SLC5A1: variants seen among roughly 807,000 people sequenced by gnomAD.
SLC5A1 encodes the protein sodium/glucose cotransporter 1.
A neutral mutation model predicts 73.5 loss-of-function variants in SLC5A1; 42 were observed. The observed-to-expected ratio is 0.57, with a 90% CI of 0.45 to 0.74. The LOEUF is 0.74. Ranked by LOEUF, SLC5A1 falls within the 30% of genes least tolerant of loss-of-function variation. The pLI is 0.00. For synonymous variants in SLC5A1, 300 were observed against 317.4 expected (o/e 0.95, Z 0.58); for missense variants, 634 against 855.4 (o/e 0.74, Z 3.23).
In SLC5A1 at chr22:32,068,001, T is replaced by A. The variant is rs780554779; in HGVS notation, c.347T>A (p.Phe116Tyr). ...TTGGTGGTTGTGCTGGGCTGGCTGT[T>A]TGTCCCCATCTATATTAAGGCTGGG... ...LVLVVVLGWL[F>Y]VPIYIKAGVV... Residue 116 changes from phenylalanine to tyrosine, a missense_variant, in exon 4 of 15, where the codon TTT (phenylalanine) becomes TAT (tyrosine). By Grantham distance (22) the Phe-to-Tyr change is conservative (BLOSUM62 3). This residue lies in a region of SLC5A1 where 422 missense variants were observed against 626.1 expected (regional missense o/e 0.67). Transcript: ENST00000266088. 6.2e-7 allele frequency: 1 copy of A among 1,614,034 alleles called. No homozygotes were observed. Among genetic ancestry groups the A allele is most frequent in the African/African-American group, 1.3e-5 (1 of 74,912 alleles).
At chr22:32,046,586 A>T (rs968086138) in intron 1 of SLC5A1, among the ~76,000 whole-genome samples, 5 of 152,060 alleles carry the variant, frequency 3.3e-5, no homozygotes, top group African/African-American at 1.2e-4. Context: ...GTTGTGTCCT[A>T]TGTGGGCCAC....
rs2094057073 is a variant in SLC5A1 at position 32,111,552 on chromosome 22, C to G, written c.*1339C>G. ...TTTGGAGATTTCCAAGCCAGAGTCT[C>G]CCGTGAAAAAGGTAAACGGAAGCAG... is the stretch of plus-strand genomic sequence containing the variant. On this transcript the variant is annotated 3_prime_UTR_variant, in exon 15 of 15. Transcript: ENST00000266088. The G allele has an allele frequency of 6.6e-6, 1 of 152,184 alleles. No homozygotes were observed. Among genetic ancestry groups the G allele is most frequent in the African/African-American group, 2.4e-5 (1 of 41,432 alleles). 9.4% of individuals were successfully genotyped at this position (152,184 alleles called of 1,614,324 possible).
intron 5 of SLC5A1, among the ~76,000 whole-genome samples, chr22:32,079,143 CA>C (rs920025095): frequency 1.8e-4 from 27 of 150,084 alleles, no homozygotes; most frequent in African/African-American, 5.2e-4. Flanking sequence ...AACAAACAAA[CA>C]AAAAAAAACA....
chr22:32,106,212 A>T (rs1411199755), intron 14 of SLC5A1, among the ~76,000 whole-genome samples: 1 of 152,222 alleles, frequency 6.6e-6, no homozygotes, highest in Non-Finnish European at 1.5e-5. Context: ...AACAGTGTAC[A>T]TCCTCACCAG....
rs760762225 is a variant in SLC5A1, at chr22:32,084,477, A to G, written c.703A>G (p.Lys235Glu). The change falls in exon 8 of 15, where the codon AAG becomes GAG. Residue 235 changes from lysine to glutamate, a missense_variant. Physicochemically the swap from Lys to Glu is moderately conservative, Grantham distance 56. Transcript: ENST00000266088. ...EVGGYDAFME[K>E]YMKAIPTIVS... ...GGGAGGCTATGACGCCTTCATGGAA[A>G]AGTACATGAAAGCCATTCCAACCAT... 4 of 1,614,242 alleles carry G rather than the reference A, an allele frequency of 2.5e-6. No individual in the cohort carries two copies. Among genetic ancestry groups the G allele is most frequent in the Non-Finnish European group, 8.5e-7 (1 of 1,180,034 alleles).
chr22:32,071,233 C>T (rs1364223422), intron 5 of SLC5A1, among the ~76,000 whole-genome samples: 1 of 152,122 alleles, frequency 6.6e-6, no homozygotes, highest in East Asian at 1.9e-4. Context: ...ATGAGGATTG[C>T]GTGAGACCAG....
chr22:32,096,327 C>A (rs2094026217), intron 11 of SLC5A1, among the ~76,000 whole-genome samples: 1 of 152,132 alleles, frequency 6.6e-6, no homozygotes, highest in African/African-American at 2.4e-5. Context: ...GCTCATCCTG[C>A]CTAAATCCAA....
chr22:32,062,598 G>A lies in SLC5A1; in HGVS notation c.208-4337G>A, dbSNP rs117693066. ...GTGAGATCAAGTTGGGGAAATTTTAGATAAAGTCTGAAATCCTGAATTCAC... is the reference window on the plus strand; with the variant it reads ...GTGAGATCAAGTTGGGGAAATTTTAAATAAAGTCTGAAATCCTGAATTCAC... On this transcript the variant is annotated intron_variant, in intron 2 of 14. Transcript: ENST00000266088. Among the ~76,000 whole-genome samples the A allele has an allele frequency of 3.1e-4, 47 of 152,250 alleles. No individual in the cohort carries two copies. The East Asian group carries it at 9.1e-3, about 29-fold the overall frequency.
chr22:32,108,005 T>C (rs561335030), intron 14 of SLC5A1, among the ~76,000 whole-genome samples: 1 of 152,326 alleles, frequency 6.6e-6, no homozygotes, highest in Admixed American at 6.5e-5. Context: ...ATTTCAGCAA[T>C]GCATCATCCT....
chr22:32,085,156 C>A, intron 9 of SLC5A1, 121 bp downstream of exon 9: 2 of 1,215,984 alleles, frequency 1.6e-6, no homozygotes, highest in Non-Finnish European at 2.4e-6. Context: ...CACTCTGTCA[C>A]CCAGGCTGGA....
At chr22:32,081,576 A>T (rs2093999894) in intron 5 of SLC5A1, among the ~76,000 whole-genome samples, 1 of 152,148 alleles carries the variant, frequency 6.6e-6, no homozygotes, top group Admixed American at 6.5e-5. Context: ...CCTTGGCAAA[A>T]AGAGTTCAAT....
At chr22:32,066,903 A>C (rs1262096945) in intron 2 of SLC5A1, 32 bp from the exon 3 acceptor site, 4 of 1,462,364 alleles carry the variant, frequency 2.7e-6, no homozygotes, top group African/African-American at 1.4e-5. Context: ...GAGAGCACAG[A>C]GCCCTCACCT....
intron 10 of SLC5A1, among the ~76,000 whole-genome samples, chr22:32,087,360 A>G (rs1045531103): frequency 3.3e-5 from 5 of 152,242 alleles, no homozygotes; most frequent in African/African-American, 7.2e-5. Flanking sequence ...CTCAATATAC[A>G]TAACTTTTAC....
chr22:32,090,454 CAT>C (rs928772837), intron 10 of SLC5A1, among the ~76,000 whole-genome samples: 87 of 152,124 alleles, frequency 5.7e-4, no homozygotes, highest in African/African-American at 1.9e-3. Context: ...TTGCAAGGTT[CAT>C]ATGTGTCCTA....
At chr22:32,096,716 C>T (rs946039804) in intron 11 of SLC5A1, among the ~76,000 whole-genome samples, 2 of 152,184 alleles carry the variant, frequency 1.3e-5, no homozygotes, top group African/African-American at 2.4e-5. Flanking sequence ...GACAGAGGAT[C>T]AACAGGAGCC....
chr22:32,069,517 T>TA (rs201739089), intron 5 of SLC5A1, among the ~76,000 whole-genome samples: 57 of 142,574 alleles, frequency 4.0e-4, no homozygotes, highest in Non-Finnish European at 5.9e-4. Context: ...ACCTGCCTCT[T>TA]AAAAAAAAAA....
intron 2 of SLC5A1, among the ~76,000 whole-genome samples, chr22:32,058,508 T>C (rs1295985808): frequency 6.6e-6 from 1 of 152,222 alleles, no homozygotes; most frequent in East Asian, 1.9e-4. Flanking sequence ...TCTAAGTCTT[T>C]GTCTGCATCT....
chr22:32,105,894 TG>T, intron 14 of SLC5A1, among the ~76,000 whole-genome samples: 1 of 152,338 alleles, frequency 6.6e-6, no homozygotes, highest in Non-Finnish European at 1.5e-5. Flanking sequence ...GTTCCATCCA[TG>T]TTGTTGCAAA....
chr22:32,067,362 TAA>T lies in SLC5A1; in HGVS notation c.312+329_312+330del, dbSNP rs765989227. Among the ~76,000 whole-genome samples, 113,229 of 147,414 alleles carry T rather than the reference TAA, an allele frequency of 0.77. 42,748 individuals carry two copies. Among genetic ancestry groups the T allele is most frequent in the East Asian group, 0.93 (4,762 of 5,128 alleles). ...CCATTATTATTATTATTATTTTTTT[TAA>T]AAAAATTTTTATTATTTTATTTTTA... is the stretch of plus-strand genomic sequence containing the variant. On this transcript the variant is annotated intron_variant, in intron 3 of 14. Transcript: ENST00000266088.
Sources: gnomAD v4.1 joint callset for allele counts (sites outside exome capture counted in the v4.1 genomes callset) on GRCh38, gnomAD v4.1.1 for gene constraint, gnomAD v4.1.1 regional missense constraint, MANE v1.5 for transcripts, NCBI Gene and HGNC (gene_info 2026-07-23, HGNC 2026-07-21) for gene names.